The following XNDC1N variants were observed in gnomAD, a reference collection of about 807,000 sequenced individuals.
XNDC1N encodes the protein protein XNDC1N.
chr11:71,898,391 A>C, the XNDC1N span, among the ~76,000 whole-genome samples: 1 of 151,970 alleles, frequency 6.6e-6, no homozygotes, highest in Non-Finnish European at 1.5e-5. Flanking sequence ...CGGATCACTT[A>C]AGCTCAGGAG....
chr11:71,882,165 C>G, the XNDC1N span, among the ~76,000 whole-genome samples: 2 of 151,506 alleles, frequency 1.3e-5, no homozygotes, highest in African/African-American at 4.8e-5. Context: ...TCAGACTTCT[C>G]TTAAACCACA....
chr11:71,917,569 C>A, the XNDC1N span: 2 of 703,616 alleles, frequency 2.8e-6, no homozygotes, highest in Admixed American at 4.0e-5. Context: ...AGTACTGCAT[C>A]TCTGTTTCTC....
the XNDC1N span, among the ~76,000 whole-genome samples, chr11:71,875,108 C>T: frequency 1.3e-5 from 2 of 151,788 alleles, no homozygotes; most frequent in Non-Finnish European, 2.9e-5. Context: ...CAAAACAATG[C>T]CCAACAATGA....
chr11:71,910,722 G>C, the XNDC1N span, among the ~76,000 whole-genome samples: 5 of 152,236 alleles, frequency 3.3e-5, no homozygotes, highest in Non-Finnish European at 7.3e-5. Flanking sequence ...CCCGGGGTCA[G>C]AACGAAAGCA....
At chr11:71,873,155 A>AG in the XNDC1N span, among the ~76,000 whole-genome samples, 28,440 of 151,606 alleles carry the variant, frequency 0.19, 4,871 homozygotes, top group African/African-American at 0.45. Context: ...ATTTTGTTTC[A>AG]GTTTTTTTCT....
the XNDC1N span, among the ~76,000 whole-genome samples, chr11:71,888,390 G>C: frequency 2.6e-5 from 4 of 152,196 alleles, no homozygotes; most frequent in South Asian, 2.1e-4. Context: ...CCAAGCCTTT[G>C]TATGCGGTCA....
At chr11:71,890,153 C>T in the XNDC1N span, among the ~76,000 whole-genome samples, 1 of 152,166 alleles carries the variant, frequency 6.6e-6, no homozygotes, top group Admixed American at 6.5e-5. Context: ...CATCAAACCA[C>T]CTGCTAAATT....
chr11:71,868,272 T>A, the XNDC1N span, among the ~76,000 whole-genome samples: 1 of 152,196 alleles, frequency 6.6e-6, no homozygotes, highest in Non-Finnish European at 1.5e-5. Flanking sequence ...GGGCATTTAG[T>A]CCATTTATGT....
chr11:71,904,100 G>A, the XNDC1N span: 4 of 515,866 alleles, frequency 7.8e-6, no homozygotes, highest in Admixed American at 3.9e-5. Flanking sequence ...GTCCTGCGGC[G>A]GCCGCACAGC....
chr11:71,887,751 T>C, the XNDC1N span, among the ~76,000 whole-genome samples: 12 of 152,334 alleles, frequency 7.9e-5, no homozygotes, highest in South Asian at 1.9e-3. Flanking sequence ...TACCAGCCGG[T>C]ACAGGATTTG....
the XNDC1N span, chr11:71,923,553 C>A: frequency 5.9e-6 from 3 of 508,114 alleles, no homozygotes; most frequent in Non-Finnish European, 6.9e-6. Context: ...CAGTTCATTT[C>A]TGTTTTGTTT....
the XNDC1N span, among the ~76,000 whole-genome samples, chr11:71,883,163 A>G: frequency 6.6e-6 from 1 of 152,194 alleles, no homozygotes; most frequent in African/African-American, 2.4e-5. Flanking sequence ...AAATATCCAT[A>G]CTATTCAAAG....
chr11:71,870,975 T>G, the XNDC1N span, among the ~76,000 whole-genome samples: 1 of 152,176 alleles, frequency 6.6e-6, no homozygotes, highest in Non-Finnish European at 1.5e-5. Flanking sequence ...CTTATAAGTT[T>G]CTGAACAAAA....
chr11:71,921,390 C>T, the XNDC1N span, among the ~76,000 whole-genome samples: 1 of 152,026 alleles, frequency 6.6e-6, no homozygotes, highest in African/African-American at 2.4e-5. Flanking sequence ...GCAATCTGCC[C>T]GCCTCAGCCT....
chr11:71,893,315 G>A, the XNDC1N span: 1 of 529,166 alleles, frequency 1.9e-6, no homozygotes, highest in South Asian at 2.1e-5. Flanking sequence ...TGAGATTTTT[G>A]GAATTGTCAC....
the XNDC1N span, among the ~76,000 whole-genome samples, chr11:71,905,103 CTAGGATATTATGGA>C: frequency 6.6e-6 from 1 of 151,934 alleles, no homozygotes; most frequent in Non-Finnish European, 1.5e-5. Context: ...TCCCATTTTC[CTAGGATATTATGGA>C]TAATATCACA....
At chr11:71,917,315 C>A in the XNDC1N span, 1 of 648,676 alleles carries the variant, frequency 1.5e-6, no homozygotes, top group Non-Finnish European at 2.8e-6. Flanking sequence ...CGCCTGGCCA[C>A]AAAAATATAT....
At chr11:71,872,544 A>C in the XNDC1N span, among the ~76,000 whole-genome samples, 1 of 112,364 alleles carries the variant, frequency 8.9e-6, no homozygotes, top group Non-Finnish European at 1.8e-5. Flanking sequence ...TAACAGGAGG[A>C]AACCCCATCT....
the XNDC1N span, chr11:71,903,321 T>C: frequency 1.7e-5 from 24 of 1,424,140 alleles, no homozygotes; most frequent in Admixed American, 1.7e-5. Flanking sequence ...GAGAACCTGC[T>C]CATCATCCTG....
Sources: gnomAD v4.1 joint callset for allele counts (sites outside exome capture counted in the v4.1 genomes callset) on GRCh38, gnomAD v4.1.1 for gene constraint, MANE v1.5 for transcripts, NCBI Gene and HGNC (gene_info 2026-07-23, HGNC 2026-07-21) for gene names.